VPS13A: variants seen among roughly 807,000 people sequenced by gnomAD.
VPS13A encodes intermembrane lipid transfer protein VPS13A.
In VPS13A, 264 loss-of-function variants were observed where a neutral mutation model predicts 390.9. That is an observed-to-expected ratio of 0.68 (90% CI 0.61 to 0.75). The LOEUF is 0.75. Ranked by LOEUF, VPS13A falls within the 30% of genes least tolerant of loss-of-function variation. The pLI is 0.00. For missense variants in VPS13A, 3,409 were observed against 3,733.9 expected (o/e 0.91, Z 2.27); for synonymous variants, 1,231 against 1,227.1 (o/e 1.00, Z -0.07).
intron 17 of VPS13A, among the ~76,000 whole-genome samples, chr9:77,230,924 C>G (rs1823795477): frequency 6.7e-6 from 1 of 150,360 alleles, no homozygotes; most frequent in Non-Finnish European, 1.5e-5. Context: ...AAAATTTGAA[C>G]AACGTTTTAC....
At chr9:77,272,392 A>G (rs72744217) in intron 23 of VPS13A, among the ~76,000 whole-genome samples, 10,463 of 152,270 alleles carry the variant, frequency 0.069, 412 homozygotes, top group South Asian at 0.12. Context: ...GGGCATATCA[A>G]GGATGTTTAT....
At chr9:77,177,915 A>AGCCACCTGCCGCCGCCCGCC in intron 1 of VPS13A, 111 bp downstream of exon 1, 2 of 950,068 alleles carry the variant, frequency 2.1e-6, no homozygotes, top group South Asian at 2.9e-5. Context: ...CGCCGGGTGC[A>AGCCACCTGCCGCCGCCCGCC]GCCACCTGCC....
At chr9:77,368,600 AT>A (rs1310150628) in intron 62 of VPS13A, among the ~76,000 whole-genome samples, 1 of 152,190 alleles carries the variant, frequency 6.6e-6, no homozygotes, top group Non-Finnish European at 1.5e-5. Context: ...GGTATGACAG[AT>A]CACTGAGCAT....
chr9:77,335,730 T>C (rs957531420), intron 46 of VPS13A, among the ~76,000 whole-genome samples: 2 of 152,154 alleles, frequency 1.3e-5, no homozygotes, highest in Non-Finnish European at 2.9e-5. Context: ...TGTGGAGAAA[T>C]AGGAATGCTT....
intron 41 of VPS13A, 128 bp downstream of exon 41, chr9:77,318,719 G>A: frequency 1.0e-6 from 1 of 989,784 alleles, no homozygotes; most frequent in South Asian, 1.6e-5. Context: ...ATGATATTGG[G>A]TCAAAAACTT....
chr9:77,273,292 ACTT>A lies in VPS13A; in HGVS notation c.2444_2446del (p.Ser815del). 1 of 1,611,204 alleles carries A rather than the reference ACTT, an allele frequency of 6.2e-7. No homozygotes were observed. On this transcript the variant is annotated inframe_deletion, in exon 24 of 72. Transcript: ENST00000360280. ...ACTTTTCTTTCAGATTCAAACATCT[ACTT>A]CTTTGGGAACATCACAGATTTCACA...
At chr9:77,212,413 A>G (rs1406273314) in intron 7 of VPS13A, among the ~76,000 whole-genome samples, 1 of 152,122 alleles carries the variant, frequency 6.6e-6, no homozygotes, top group Non-Finnish European at 1.5e-5. Context: ...TTTTAGTTAC[A>G]TGTTATATAT....
intron 68 of VPS13A, among the ~76,000 whole-genome samples, chr9:77,387,624 A>G (rs945873251): frequency 6.6e-6 from 1 of 152,198 alleles, no homozygotes; most frequent in African/African-American, 2.4e-5. Flanking sequence ...TGTAAATGAA[A>G]TTAATTAGTA....
intron 23 of VPS13A, among the ~76,000 whole-genome samples, chr9:77,267,581 C>G (rs920834457): frequency 3.9e-5 from 6 of 152,180 alleles, no homozygotes; most frequent in African/African-American, 1.4e-4. Context: ...AGCCAGAGCT[C>G]TCCTGTATGA....
chr9:77,322,684 A>G (rs1829815651), intron 44 of VPS13A, among the ~76,000 whole-genome samples: 1 of 152,036 alleles, frequency 6.6e-6, no homozygotes, highest in Non-Finnish European at 1.5e-5. Flanking sequence ...AAGTGACACA[A>G]GTTGTTGGAA....
At chr9:77,384,965 T>G (rs1833618783) in intron 68 of VPS13A, 1 of 1,120,954 alleles carries the variant, frequency 8.9e-7, no homozygotes, top group Admixed American at 4.5e-5. Flanking sequence ...CAAGTTAGAC[T>G]TAAATATAAT....
intron 71 of VPS13A, among the ~76,000 whole-genome samples, chr9:77,408,606 T>C (rs1834743002): frequency 6.6e-6 from 1 of 152,216 alleles, no homozygotes; most frequent in African/African-American, 2.4e-5. Context: ...TACTGTGCTT[T>C]TCCAACGGTC....
At position 77,295,792 on chromosome 9, in the gene VPS13A, C is replaced by T. The variant is rs768141644; in HGVS notation, c.3758C>T (p.Pro1253Leu). 4.3e-6 allele frequency: 7 copies of T among 1,613,788 alleles called. No individual in the cohort carries two copies. Among genetic ancestry groups the T allele is most frequent in the African/African-American group, 1.3e-5 (1 of 74,878 alleles). The stretch of plus-strand genomic sequence containing the variant: ...ATGATAACAGAGAGCCAGAGCTCTC[C>T]CCCACCTGTTATTGATTTGATAACA... ...FHMITESQSS[P>L]PPVIDLITIK... Residue 1253 changes from proline (P) to leucine (L), a missense_variant, in exon 33 of 72, where the codon CCC becomes CTC. By Grantham distance (98) the Pro-to-Leu change is moderately conservative (BLOSUM62 -3). This residue lies in a region of VPS13A where 2,717 missense variants were observed against 2,917.4 expected (regional missense o/e 0.93). Transcript: ENST00000360280.
At chr9:77,328,707 A>G (rs966130443) in intron 45 of VPS13A, among the ~76,000 whole-genome samples, 8 of 152,162 alleles carry the variant, frequency 5.3e-5, no homozygotes, top group African/African-American at 1.9e-4. Context: ...GTCTGCTTCC[A>G]ACTTTTTTTC....
At chr9:77,330,205 A>C (rs1157690227) in intron 45 of VPS13A, among the ~76,000 whole-genome samples, 2 of 152,110 alleles carry the variant, frequency 1.3e-5, no homozygotes, top group East Asian at 3.9e-4. Context: ...TTGTAGAGAC[A>C]GGGTCTCACT....
In VPS13A at chr9:77,384,447, C is replaced by G. The variant is rs1427195462; in HGVS notation, c.9189+2360C>G. On this transcript the variant is annotated intron_variant, in intron 68 of 71. Coordinates refer to ENST00000360280, the MANE Select transcript of VPS13A (RefSeq NM_033305.3). ...TTATGGAATATTATATCCATAATTA[C>G]AGTCTGAGTCATAGCTGAAAAAATC... 4.3e-6 allele frequency: 5 copies of G among 1,172,574 alleles called. No individual in the cohort carries two copies. In the East Asian group the frequency reaches 1.2e-4, roughly 28 times the overall value. The allele number at this position is 1,172,574 out of a possible 1,614,324, so 72.6% of individuals were successfully genotyped here.
intron 68 of VPS13A, among the ~76,000 whole-genome samples, chr9:77,386,787 A>T (rs2131622459): frequency 6.6e-6 from 1 of 150,834 alleles, no homozygotes; most frequent in South Asian, 2.1e-4. Flanking sequence ...GGCTGACTGC[A>T]AACTCCACCT....
chr9:77,212,880 T>A (rs1826047769), intron 7 of VPS13A, 89 bp from the exon 8 acceptor site: 1 of 1,346,756 alleles, frequency 7.4e-7, no homozygotes, highest in South Asian at 1.2e-5. Flanking sequence ...AAAGGGACAT[T>A]GGTCTAGGGT....
rs779504734 is a variant in VPS13A at position 77,283,543 on chromosome 9, T to G, written c.3236-4T>G. On this transcript the variant is annotated splice_region_variant and splice_polypyrimidine_tract_variant and intron_variant, in intron 30 of 71. Coordinates refer to ENST00000360280, the MANE Select transcript of VPS13A (RefSeq NM_033305.3). The stretch of plus-strand genomic sequence containing the variant: ...AAAAGGCAGTCATTCTTTTGTTCCC[T>G]TAGGGCTTGATTCTGAGATGATTAT... 2 of 1,613,268 alleles carry G rather than the reference T, an allele frequency of 1.2e-6. No individual in the cohort carries two copies. The highest frequency in any genetic ancestry group is 3.3e-5 in the Admixed American group (2 of 59,996).
Sources: gnomAD v4.1 joint callset for allele counts (sites outside exome capture counted in the v4.1 genomes callset) on GRCh38, gnomAD v4.1.1 for gene constraint, gnomAD v4.1.1 regional missense constraint, MANE v1.5 for transcripts, NCBI Gene and HGNC (gene_info 2026-07-23, HGNC 2026-07-21) for gene names.